Variants in PARP11 observed in about 807,000 individuals in gnomAD.
PARP11 encodes the protein protein mono-ADP-ribosyltransferase PARP11.
A neutral mutation model predicts 42.9 loss-of-function variants in PARP11; 31 were observed. The ratio of observed to expected loss-of-function variants is 0.72; its 90% confidence interval spans 0.54 to 0.98. The LOEUF (loss-of-function observed/expected upper bound fraction) is 0.98, where lower values mean the gene tolerates loss of function less well. Ranked by LOEUF, PARP11 falls within the 50% of genes least tolerant of loss-of-function variation. The pLI, the probability that PARP11 is intolerant of heterozygous loss-of-function variation, is 0.00. For synonymous variants in PARP11, 137 were observed against 127.3 expected (o/e 1.08, Z -0.51); for missense variants, 365 against 413.1 (o/e 0.88, Z 1.01).
At chr12:3,822,577 C>T (rs976182950) in intron 4 of PARP11, among the ~76,000 whole-genome samples, 7 of 139,924 alleles carry the variant, frequency 5.0e-5, no homozygotes, top group African/African-American at 8.2e-5. Flanking sequence ...CCAGCCTGGG[C>T]GACAGGGCGA....
chr12:3,838,923 C>A (rs577595066), intron 1 of PARP11, among the ~76,000 whole-genome samples: 8 of 152,288 alleles, frequency 5.3e-5, no homozygotes, highest in Admixed American at 2.6e-4. Flanking sequence ...TTTCTCGCTT[C>A]ACACCGGTAC....
intron 1 of PARP11, chr12:3,841,649 A>G: frequency 6.2e-7 from 1 of 1,613,644 alleles, no homozygotes; most frequent in South Asian, 1.1e-5. Context: ...CTGCATGCTG[A>G]TTATGAAGAG....
At chr12:3,839,526 CAGAG>C in intron 1 of PARP11, 2 of 1,592,728 alleles carry the variant, frequency 1.3e-6, no homozygotes, top group East Asian at 2.2e-5. Flanking sequence ...TTCGAGAGAA[CAGAG>C]AGAAATTTGA....
At chr12:3,844,058 T>C (rs879757966) in intron 1 of PARP11, among the ~76,000 whole-genome samples, 7 of 152,196 alleles carry the variant, frequency 4.6e-5, no homozygotes, top group Non-Finnish European at 8.8e-5. Context: ...ATGGGAATGT[T>C]TGGATGCCAG....
chr12:3,814,324 CA>C, intron 6 of PARP11, 136 bp from the exon 7 acceptor site: 1 of 608,420 alleles, frequency 1.6e-6, no homozygotes, highest in Non-Finnish European at 2.5e-6. Context: ...GTGGACAAAG[CA>C]AGTCTAGAAA....
At chr12:3,842,683 G>A (rs1308515269) in intron 1 of PARP11, among the ~76,000 whole-genome samples, 1 of 152,180 alleles carries the variant, frequency 6.6e-6, no homozygotes, top group African/African-American at 2.4e-5. Flanking sequence ...TGAGTTCAAG[G>A]GGGCAGGTTA....
At chr12:3,830,089 T>A in intron 1 of PARP11, 71 bp from the exon 2 acceptor site, 1 of 1,406,108 alleles carries the variant, frequency 7.1e-7, no homozygotes, top group South Asian at 1.2e-5. Context: ...ACAGATCATT[T>A]TACTTCTTTA....
At chr12:3,843,132 T>G (rs1424195396) in intron 1 of PARP11, among the ~76,000 whole-genome samples, 1 of 152,230 alleles carries the variant, frequency 6.6e-6, no homozygotes, top group Non-Finnish European at 1.5e-5. Context: ...CTATTAACTG[T>G]GTCTTAGCAA....
rs1565527378 is a variant in PARP11 at position 3,810,706 on chromosome 12, G to GAGAAA, written c.*1416_*1417insTTTCT. On this transcript the variant is annotated 3_prime_UTR_variant, in exon 8 of 8. Coordinates refer to ENST00000228820, the MANE Select transcript of PARP11 (RefSeq NM_020367.6). Reference sequence around the variant, plus strand: ...AGGAAAGAAAGAAGGAAGGAAGAGAGAGAGAAGAGAAGAGAAAGAGAAAGA... The same window carrying GAGAAA: ...AGGAAAGAAAGAAGGAAGGAAGAGAGAGAAAAGAGAAGAGAAGAGAAAGAGAAAGA... The GAGAAA allele has an allele frequency of 2.9e-5, 4 of 135,620 alleles. No homozygotes were observed. The highest frequency in any genetic ancestry group is 1.2e-4 in the African/African-American group (4 of 32,124). The allele number at this position is 135,620 out of a possible 1,614,324, so 8.4% of individuals were successfully genotyped here.
chr12:3,824,831 CTTT>C (rs1181739160), intron 4 of PARP11, among the ~76,000 whole-genome samples: 1 of 152,132 alleles, frequency 6.6e-6, no homozygotes, highest in Non-Finnish European at 1.5e-5. Context: ...ATAAGTAATT[CTTT>C]TATTATATTA....
chr12:3,842,437 C>G (rs1274155807), intron 1 of PARP11: 1 of 1,606,820 alleles, frequency 6.2e-7, no homozygotes, highest in South Asian at 1.1e-5. Flanking sequence ...TCAGTACCAT[C>G]GAAATGTCAG....
At chr12:3,823,602 C>T (rs572179702) in intron 4 of PARP11, among the ~76,000 whole-genome samples, 196 of 152,234 alleles carry the variant, frequency 1.3e-3, no homozygotes, top group Middle Eastern at 3.4e-3. Flanking sequence ...TTTAGCTTGC[C>T]TCCAACTTTT....
chr12:3,854,012 G>A (rs904366327), intron 1 of PARP11, among the ~76,000 whole-genome samples: 4 of 152,194 alleles, frequency 2.6e-5, no homozygotes, highest in Non-Finnish European at 5.9e-5. Context: ...CATGGAAACT[G>A]AACAATCTGC....
intron 2 of PARP11, among the ~76,000 whole-genome samples, chr12:3,829,522 G>C (rs568423587): frequency 6.6e-6 from 1 of 152,278 alleles, no homozygotes; most frequent in East Asian, 1.9e-4. Context: ...TTACTGTGAG[G>C]ATAAGGGAGA....
rs200970270 is a variant in PARP11 at position 3,839,642 on chromosome 12, G to A, written c.19-9624C>T. 6.0e-6 allele frequency: 6 copies of A among 1,007,862 alleles called. No individual in the cohort carries two copies. The East Asian group carries it at 1.2e-4, about 20-fold the overall frequency. 62.4% of individuals were successfully genotyped at this position (1,007,862 alleles called of 1,614,324 possible). On this transcript the variant is annotated intron_variant, in intron 1 of 7. Coordinates refer to ENST00000228820, the MANE Select transcript of PARP11 (RefSeq NM_020367.6). ...ATAAGTGCCCTTTCTCTTATGTACA[G>A]GAAAGATTTTATAACTAATCTGGAA... is the stretch of plus-strand genomic sequence containing the variant.
chr12:3,832,428 C>T (rs1947662156), intron 1 of PARP11, among the ~76,000 whole-genome samples: 1 of 152,206 alleles, frequency 6.6e-6, no homozygotes, highest in African/African-American at 2.4e-5. Flanking sequence ...GCCTCCTGAA[C>T]ATCACTTCTT....
At chr12:3,864,124 C>T (rs1405949994) in intron 1 of PARP11, among the ~76,000 whole-genome samples, 2 of 152,156 alleles carry the variant, frequency 1.3e-5, no homozygotes, top group Non-Finnish European at 2.9e-5. Flanking sequence ...TATTCCTAGG[C>T]TGCTGAGAAT....
chr12:3,860,654 T>A (rs1312268237), intron 1 of PARP11, among the ~76,000 whole-genome samples: 2 of 152,148 alleles, frequency 1.3e-5, no homozygotes, highest in Admixed American at 1.3e-4. Flanking sequence ...CACCACTATA[T>A]TTTTTAACTT....
chr12:3,867,719 A>G (rs1392324678), intron 1 of PARP11, among the ~76,000 whole-genome samples: 1 of 152,236 alleles, frequency 6.6e-6, no homozygotes, highest in Non-Finnish European at 1.5e-5. Context: ...GTGTATAAAG[A>G]ACATGACTAA....
Sources: allele counts gnomAD v4.1 joint callset (sites outside exome capture counted in the v4.1 genomes callset), GRCh38; gene constraint gnomAD v4.1.1; transcripts MANE v1.5; gene names NCBI Gene and HGNC (gene_info 2026-07-23, HGNC 2026-07-21).